The following NCKAP5 variants were observed in gnomAD, a reference collection of about 807,000 sequenced individuals.
NCKAP5 encodes nck-associated protein 5.
A neutral mutation model predicts 167.0 loss-of-function variants in NCKAP5; 92 were observed. That is an observed-to-expected ratio of 0.55 (90% CI 0.47 to 0.66). The LOEUF (loss-of-function observed/expected upper bound fraction) is 0.66. Among genes scored for constraint, NCKAP5 ranks in the 30% least tolerant of loss-of-function variants. NCKAP5 has a pLI of 0.00. For synonymous variants in NCKAP5, 891 were observed against 877.4 expected, an observed-to-expected ratio of 1.02 and a Z score of -0.27; for missense variants, 2,378 against 2,315.0, an observed-to-expected ratio of 1.03 and a Z score of -0.56.
At chr2:133,672,631 G>C in the NCKAP5 span, among the ~76,000 whole-genome samples, 8,832 of 152,222 alleles carry the variant, frequency 0.058, 829 homozygotes, top group African/African-American at 0.2. Flanking sequence ...CAGGGCCATA[G>C]AGTCTCTGTT....
intron 6 of NCKAP5, among the ~76,000 whole-genome samples, chr2:133,033,579 AT>A (rs2078949540): frequency 6.6e-6 from 1 of 152,216 alleles, no homozygotes; most frequent in African/African-American, 2.4e-5. Context: ...AGAATTCAAA[AT>A]AGCTGCGTTG....
At chr2:133,171,450 G>A (rs968521537) in intron 5 of NCKAP5, among the ~76,000 whole-genome samples, 2 of 152,142 alleles carry the variant, frequency 1.3e-5, no homozygotes. Context: ...TTGGCCTCCG[G>A]TGGTGGTCTC....
chr2:133,534,581 T>A (rs1024502646), intron 2 of NCKAP5, among the ~76,000 whole-genome samples: 10 of 152,194 alleles, frequency 6.6e-5, no homozygotes, highest in African/African-American at 2.4e-4. Flanking sequence ...ACACATAGAA[T>A]CATGATAAGT....
chr2:132,897,308 G>A (rs576400481), intron 8 of NCKAP5, among the ~76,000 whole-genome samples: 2 of 152,284 alleles, frequency 1.3e-5, no homozygotes, highest in South Asian at 2.1e-4. Flanking sequence ...AGACAAACAT[G>A]GATGAAATGT....
At chr2:133,190,162 C>T (rs1334622608) in intron 5 of NCKAP5, among the ~76,000 whole-genome samples, 2 of 152,140 alleles carry the variant, frequency 1.3e-5, no homozygotes, top group South Asian at 2.1e-4. Context: ...CATGAGTGAA[C>T]TCCCATTCAC....
At chr2:132,890,611 G>A (rs1320247317) in intron 8 of NCKAP5, among the ~76,000 whole-genome samples, 1 of 152,156 alleles carries the variant, frequency 6.6e-6, no homozygotes, top group East Asian at 1.9e-4. Context: ...ATCTGCTAGA[G>A]TGATATAAAG....
chr2:133,310,868 T>C (rs1681185141), intron 3 of NCKAP5, among the ~76,000 whole-genome samples: 2 of 152,206 alleles, frequency 1.3e-5, no homozygotes, highest in African/African-American at 4.8e-5. Context: ...TGTAAAGGTT[T>C]TGATGATCAT....
intron 6 of NCKAP5, among the ~76,000 whole-genome samples, chr2:133,109,123 C>A (rs767456472): frequency 1.3e-5 from 2 of 152,184 alleles, no homozygotes; most frequent in Non-Finnish European, 2.9e-5. Flanking sequence ...AACTTCCCAG[C>A]CTGTACGATG....
the NCKAP5 span, among the ~76,000 whole-genome samples, chr2:133,603,394 C>G: frequency 6.6e-6 from 1 of 151,190 alleles, no homozygotes; most frequent in East Asian, 2.0e-4. Context: ...CCCAGCTAAT[C>G]TTGCATTTTT....
Position 132,838,784 on chromosome 2 carries a change from T to C in NCKAP5, c.807+21708A>G, listed in dbSNP as rs1574382431. ...TGCTGTGGGAAGAGAGTAAGTACTT[T>C]TAATTTGAATAGCTATTGCCAGCTG... On this transcript the variant is annotated intron_variant, in intron 11 of 19. Transcript: ENST00000409261. 3.3e-5 allele frequency among the ~76,000 whole-genome samples: 5 copies of C among 152,342 alleles called. 1 individual carries two copies. The highest frequency in any genetic ancestry group is 2.6e-4 in the Admixed American group (4 of 15,296).
chr2:133,646,796 T>C, the NCKAP5 span, among the ~76,000 whole-genome samples: 12,112 of 152,096 alleles, frequency 0.08, 929 homozygotes, highest in East Asian at 0.22. Context: ...AAAAGATACA[T>C]AATTGGAATA....
At chr2:133,557,731 G>A (rs1687842128) in intron 2 of NCKAP5, among the ~76,000 whole-genome samples, 1 of 152,236 alleles carries the variant, frequency 6.6e-6, no homozygotes, top group African/African-American at 2.4e-5. Flanking sequence ...TTTCAAGGGT[G>A]ATCCTTTAAC....
chr2:132,720,202 T>C (rs1573983720), intron 19 of NCKAP5, among the ~76,000 whole-genome samples: 2 of 152,108 alleles, frequency 1.3e-5, no homozygotes, highest in Non-Finnish European at 2.9e-5. Flanking sequence ...GCAGGAATGT[T>C]TGTCATGCCC....
intron 2 of NCKAP5, among the ~76,000 whole-genome samples, chr2:133,531,568 T>C (rs1265419041): frequency 6.6e-6 from 1 of 152,184 alleles, no homozygotes; most frequent in Non-Finnish European, 1.5e-5. Context: ...TCCTGTCCGA[T>C]ACTTACAAGT....
the NCKAP5 span, among the ~76,000 whole-genome samples, chr2:133,640,478 A>G: frequency 1.6e-4 from 24 of 152,336 alleles, no homozygotes; most frequent in Admixed American, 2.6e-4. Flanking sequence ...ATAAAATGAC[A>G]TCTGGACTAG....
At chr2:133,228,742 C>T (rs1264753347) in intron 4 of NCKAP5, among the ~76,000 whole-genome samples, 2 of 152,114 alleles carry the variant, frequency 1.3e-5, no homozygotes, top group African/African-American at 4.8e-5. Context: ...CACACCATTA[C>T]CAGGAAGACT....
intron 3 of NCKAP5, among the ~76,000 whole-genome samples, chr2:133,326,162 GA>G (rs1013388295): frequency 6.6e-6 from 1 of 152,080 alleles, no homozygotes; most frequent in African/African-American, 2.4e-5. Flanking sequence ...ATCCTTGATT[GA>G]AAAACTATAA....
At chr2:133,073,215 G>A (rs1013527520) in intron 6 of NCKAP5, among the ~76,000 whole-genome samples, 10 of 151,806 alleles carry the variant, frequency 6.6e-5, no homozygotes, top group Non-Finnish European at 1.3e-4. Context: ...GGCTAGAGTA[G>A]ACAGGGAAAT....
chr2:133,536,242 T>C lies in NCKAP5; in HGVS notation c.-61-18655A>G, dbSNP rs111695577. ...TATGTCCAGAAGAGTATTTCCAAGG[T>C]TTTCTTCTAGGATTTTTATAGTTTC... On this transcript the variant is annotated intron_variant, in intron 2 of 19. Transcript: ENST00000409261. Among the ~76,000 whole-genome samples, 730 of 152,216 alleles carry C rather than the reference T, an allele frequency of 4.8e-3. 2 individuals are homozygous for C. Among genetic ancestry groups the C allele is most frequent in the Non-Finnish European group, 8.3e-3 (566 of 67,986 alleles).
Sources: gnomAD v4.1 joint callset for allele counts (sites outside exome capture counted in the v4.1 genomes callset) on GRCh38, gnomAD v4.1.1 for gene constraint, MANE v1.5 for transcripts, NCBI Gene and HGNC (gene_info 2026-07-23, HGNC 2026-07-21) for gene names.